UBE2E2: variants seen among roughly 807,000 people sequenced by gnomAD.
UBE2E2 encodes the protein ubiquitin-conjugating enzyme E2 E2.
Under a neutral mutation model 24.7 loss-of-function variants are expected in UBE2E2, and 6 were observed. The observed-to-expected ratio is 0.24, with a 90% CI of 0.13 to 0.48. The LOEUF is 0.48. UBE2E2 is among the 20% of genes least tolerant of loss of function. The pLI is 0.99. For synonymous variants in UBE2E2, 104 were observed against 83.6 expected, an observed-to-expected ratio of 1.24 and a Z score of -1.33; for missense variants, 169 against 245.0, an observed-to-expected ratio of 0.69 and a Z score of 2.07.
intron 3 of UBE2E2, among the ~76,000 whole-genome samples, chr3:23,461,454 CAT>C (rs1436085937): frequency 8.6e-5 from 13 of 151,652 alleles, no homozygotes; most frequent in African/African-American, 3.1e-4. Flanking sequence ...ACTCTTGACT[CAT>C]ACATATTTGA....
chr3:23,575,609 T>C (rs1696330100), intron 5 of UBE2E2, among the ~76,000 whole-genome samples: 1 of 152,144 alleles, frequency 6.6e-6, no homozygotes, highest in African/African-American at 2.4e-5. Context: ...AGATTATTTT[T>C]CTGTTAGTTT....
intron 5 of UBE2E2, among the ~76,000 whole-genome samples, chr3:23,562,107 T>G (rs1182356500): frequency 2.0e-5 from 3 of 152,168 alleles, no homozygotes; most frequent in Non-Finnish European, 1.5e-5. Context: ...AACACTATGT[T>G]GAATAGGAGT....
intron 3 of UBE2E2, among the ~76,000 whole-genome samples, chr3:23,356,310 C>G (rs1371522978): frequency 6.6e-6 from 1 of 152,146 alleles, no homozygotes; most frequent in Non-Finnish European, 1.5e-5. Context: ...TCACACGTAA[C>G]AAATCTTTGT....
intron 3 of UBE2E2, among the ~76,000 whole-genome samples, chr3:23,344,247 A>G (rs1032330677): frequency 6.6e-6 from 1 of 152,028 alleles, no homozygotes; most frequent in East Asian, 1.9e-4. Context: ...AGTCCTTCAT[A>G]CTGAGGTCTC....
chr3:23,337,957 G>A (rs1353418864), intron 3 of UBE2E2, among the ~76,000 whole-genome samples: 1 of 152,146 alleles, frequency 6.6e-6, no homozygotes, highest in Non-Finnish European at 1.5e-5. Context: ...ATGACCAAAG[G>A]CTGTGGCGGC....
At chr3:23,506,403 T>C (rs1694458097) in intron 4 of UBE2E2, among the ~76,000 whole-genome samples, 1 of 152,166 alleles carries the variant, frequency 6.6e-6, no homozygotes, top group Non-Finnish European at 1.5e-5. Context: ...TGTCAGGTCT[T>C]TTTTTCCAGT....
At chr3:23,356,397 G>A (rs1489828121) in intron 3 of UBE2E2, among the ~76,000 whole-genome samples, 1 of 152,192 alleles carries the variant, frequency 6.6e-6, no homozygotes, top group African/African-American at 2.4e-5. Context: ...CAGTTAGGCA[G>A]TGTTAGGTAA....
At chr3:23,471,198 T>C (rs1699027797) in intron 3 of UBE2E2, among the ~76,000 whole-genome samples, 1 of 152,234 alleles carries the variant, frequency 6.6e-6, no homozygotes, top group Non-Finnish European at 1.5e-5. Flanking sequence ...AACTAGACCT[T>C]GAGCAATAAT....
At chr3:23,412,565 G>T (rs147938505) in intron 3 of UBE2E2, among the ~76,000 whole-genome samples, 7 of 152,284 alleles carry the variant, frequency 4.6e-5, no homozygotes, top group Admixed American at 3.3e-4. Context: ...TGGAATGCCA[G>T]TTCTTCAAGA....
At chr3:23,463,040 A>T (rs1698841301) in intron 3 of UBE2E2, among the ~76,000 whole-genome samples, 1 of 152,184 alleles carries the variant, frequency 6.6e-6, no homozygotes, top group Admixed American at 6.5e-5. Context: ...TACAAATTAG[A>T]TGGTTAAGGC....
At chr3:23,302,237 C>G (rs1699117750) in intron 3 of UBE2E2, among the ~76,000 whole-genome samples, 1 of 152,160 alleles carries the variant, frequency 6.6e-6, no homozygotes, top group Admixed American at 6.5e-5. Flanking sequence ...CCCAGTGGTT[C>G]TTATTTCCTG....
intron 3 of UBE2E2, among the ~76,000 whole-genome samples, chr3:23,442,549 G>A (rs1233710835): frequency 6.6e-6 from 1 of 152,152 alleles, no homozygotes; most frequent in South Asian, 2.1e-4. Context: ...ATAGTTTTAA[G>A]TATACTAAAT....
intron 3 of UBE2E2, among the ~76,000 whole-genome samples, chr3:23,403,325 T>A (rs1429137433): frequency 6.6e-6 from 1 of 152,224 alleles, no homozygotes; most frequent in Non-Finnish European, 1.5e-5. Context: ...CCATTAATAG[T>A]CACTACCTTA....
chr3:23,328,418 T>C (rs546802683), intron 3 of UBE2E2, among the ~76,000 whole-genome samples: 39 of 152,340 alleles, frequency 2.6e-4, no homozygotes, highest in African/African-American at 8.7e-4. Context: ...TTCAACATTT[T>C]ATTTAAAATA....
intron 3 of UBE2E2, among the ~76,000 whole-genome samples, chr3:23,387,658 T>G (rs1006634859): frequency 1.8e-4 from 28 of 152,190 alleles, no homozygotes; most frequent in African/African-American, 6.3e-4. Flanking sequence ...GTGTGTGTGT[T>G]TTTGCTGTTA....
At chr3:23,266,284 C>G (rs1281496056) in intron 3 of UBE2E2, among the ~76,000 whole-genome samples, 1 of 152,170 alleles carries the variant, frequency 6.6e-6, no homozygotes. Context: ...GTGGCTGGTG[C>G]CAGTTGTTCC....
intron 3 of UBE2E2, among the ~76,000 whole-genome samples, chr3:23,486,615 A>C (rs903277323): frequency 2.6e-5 from 4 of 152,136 alleles, no homozygotes; most frequent in Admixed American, 6.5e-5. Flanking sequence ...CACGTCTGGG[A>C]AGAATGAAGT....
intron 4 of UBE2E2, among the ~76,000 whole-genome samples, chr3:23,513,962 C>A (rs1254323994): frequency 6.6e-6 from 1 of 152,176 alleles, no homozygotes; most frequent in African/African-American, 2.4e-5. Context: ...CCTTTCACAT[C>A]TTTAACTGTC....
At chr3:23,346,565 G>C (rs1384759509) in intron 3 of UBE2E2, among the ~76,000 whole-genome samples, 2 of 152,186 alleles carry the variant, frequency 1.3e-5, no homozygotes, top group Non-Finnish European at 1.5e-5. Flanking sequence ...AGTGTTCACT[G>C]TTTCACTAAA....
Sources: allele counts gnomAD v4.1 joint callset (sites outside exome capture counted in the v4.1 genomes callset), GRCh38; gene constraint gnomAD v4.1.1; transcripts MANE v1.5; gene names NCBI Gene and HGNC (gene_info 2026-07-23, HGNC 2026-07-21).